The following EYS variants were observed in gnomAD, a reference collection of about 807,000 sequenced individuals.
EYS encodes protein eyes shut homolog.
EYS carries 250 observed loss-of-function variants against 282.1 expected under a neutral mutation model. That is an observed-to-expected ratio of 0.89 (90% CI 0.80 to 0.98). The LOEUF is 0.98. Among genes scored for constraint, EYS ranks in the 50% least tolerant of loss-of-function variants. The pLI is 0.00. For missense variants in EYS, 4,016 were observed against 3,709.0 expected (o/e 1.08, Z -2.15); for synonymous variants, 1,355 against 1,282.9 (o/e 1.06, Z -1.20).
chr6:65,562,689 CTT>C (rs1341005946), intron 2 of EYS, among the ~76,000 whole-genome samples: 1 of 151,894 alleles, frequency 6.6e-6, no homozygotes, highest in Non-Finnish European at 1.5e-5. Context: ...GTAGATATGA[CTT>C]ATATATAATT....
At chr6:65,223,584 G>C (rs867608031) in intron 12 of EYS, among the ~76,000 whole-genome samples, 10 of 152,174 alleles carry the variant, frequency 6.6e-5, no homozygotes, top group African/African-American at 2.4e-4. Flanking sequence ...GATATGTTTG[G>C]TGGGTTGCTG....
intron 1 of EYS, among the ~76,000 whole-genome samples, chr6:65,654,291 TACTC>T (rs1433461778): frequency 6.6e-6 from 1 of 151,868 alleles, no homozygotes. Context: ...CTGTAATAGT[TACTC>T]ACAGACCTGA....
At chr6:64,935,744 G>A (rs963423382) in intron 15 of EYS, among the ~76,000 whole-genome samples, 15 of 151,592 alleles carry the variant, frequency 9.9e-5, no homozygotes, top group African/African-American at 1.7e-4. Flanking sequence ...GTAAAACCAC[G>A]GAAAGTAACC....
At chr6:64,162,605 A>T (rs1775142076) in intron 31 of EYS, among the ~76,000 whole-genome samples, 1 of 152,126 alleles carries the variant, frequency 6.6e-6, no homozygotes, top group Non-Finnish European at 1.5e-5. Context: ...AGGAATTAGA[A>T]CCCAAATCCT....
At chr6:64,288,234 G>C (rs906335503) in intron 30 of EYS, among the ~76,000 whole-genome samples, 2 of 151,808 alleles carry the variant, frequency 1.3e-5, no homozygotes, top group African/African-American at 4.8e-5. Flanking sequence ...TTTTTTTCCT[G>C]CTACCTTTAT....
At chr6:64,974,443 A>G (rs1027364386) in intron 14 of EYS, among the ~76,000 whole-genome samples, 1 of 149,170 alleles carries the variant, frequency 6.7e-6, no homozygotes, top group Non-Finnish European at 1.5e-5. Context: ...TAATTACTGA[A>G]TCAGACTATC....
chr6:64,122,549 T>G lies in EYS; in HGVS notation c.6425-40547A>C, dbSNP rs116044206. On this transcript the variant is annotated intron_variant, in intron 31 of 42. Coordinates refer to ENST00000503581, the MANE Select transcript of EYS (RefSeq NM_001142800.2). ...TAGAGCCAGACTGCCTGAGTTTTTA[T>G]CCCCTTGTCTCCATTTACTAGTTGT... Among the ~76,000 whole-genome samples the G allele has an allele frequency of 6.2e-3, 942 of 152,174 alleles. 8 individuals carry two copies. Among genetic ancestry groups the G allele is most frequent in the East Asian group, 0.031 (163 of 5,182 alleles).
At chr6:64,962,243 T>C (rs900139201) in intron 14 of EYS, among the ~76,000 whole-genome samples, 13 of 152,136 alleles carry the variant, frequency 8.5e-5, no homozygotes, top group Non-Finnish European at 2.9e-5. Flanking sequence ...TTCCAAAAAC[T>C]ACACCACTAG....
chr6:63,883,483 C>G (rs1773186122), intron 35 of EYS, among the ~76,000 whole-genome samples: 1 of 152,220 alleles, frequency 6.6e-6, no homozygotes, highest in Non-Finnish European at 1.5e-5. Context: ...ACCAACGTGG[C>G]TGGAAGTCAG....
chr6:64,297,827 A>T (rs542926103), intron 30 of EYS, among the ~76,000 whole-genome samples: 1 of 152,018 alleles, frequency 6.6e-6, no homozygotes, highest in African/African-American at 2.4e-5. Context: ...AAAATACAAA[A>T]ATTAGCCAAG....
rs57185055 is a variant in EYS at position 64,674,765 on chromosome 6, TACAC to T, written c.3444-48524_3444-48521del. Among the ~76,000 whole-genome samples the T allele has an allele frequency of 4.0e-5, 6 of 150,250 alleles. No individual in the cohort carries two copies. The East Asian group carries it at 9.8e-4, about 25-fold the overall frequency. The stretch of plus-strand genomic sequence containing the variant: ...ACACACACACACACGCATATATACA[TACAC>T]ACACACACACATATATATACACACA... On this transcript the variant is annotated intron_variant, in intron 22 of 42. Transcript: ENST00000503581.
In EYS at chr6:63,891,299, G is replaced by C. The variant is rs927870466; in HGVS notation, c.7056-26941C>G. On this transcript the variant is annotated intron_variant, in intron 35 of 42. Coordinates refer to ENST00000503581, the MANE Select transcript of EYS (RefSeq NM_001142800.2). ...ACACAGCAAAAAAAGATCATTTCAG[G>C]CCAATATCCCTGATGAACATCGATG... Among the ~76,000 whole-genome samples the C allele has an allele frequency of 2.8e-4, 42 of 151,958 alleles. 1 individual carries two copies. Among genetic ancestry groups the C allele is most frequent in the Non-Finnish European group, 2.9e-5 (2 of 67,990 alleles).
chr6:64,125,636 A>G (rs1189717155), intron 31 of EYS, among the ~76,000 whole-genome samples: 1 of 151,688 alleles, frequency 6.6e-6, no homozygotes, highest in Non-Finnish European at 1.5e-5. Flanking sequence ...AATACAAAAA[A>G]TTAGCCGGGC....
At chr6:64,461,088 T>A (rs1465931639) in intron 26 of EYS, among the ~76,000 whole-genome samples, 2 of 152,206 alleles carry the variant, frequency 1.3e-5, no homozygotes, top group African/African-American at 2.4e-5. Flanking sequence ...GAGTGCTTCC[T>A]GCAGGTGAAC....
intron 8 of EYS, among the ~76,000 whole-genome samples, chr6:65,353,980 G>A (rs1176631244): frequency 6.6e-6 from 1 of 152,000 alleles, no homozygotes; most frequent in Non-Finnish European, 1.5e-5. Context: ...GGTTGAATTA[G>A]CACAATAAAT....
At chr6:63,999,283 C>CTTCA in intron 33 of EYS, 100 bp from the exon 34 acceptor site, 1 of 762,750 alleles carries the variant, frequency 1.3e-6, no homozygotes, top group Non-Finnish European at 2.3e-6. Context: ...GAGAGAGGTA[C>CTTCA]TTTCTGGATC....
At chr6:64,226,410 A>G (rs1030859243) in intron 31 of EYS, among the ~76,000 whole-genome samples, 3 of 152,056 alleles carry the variant, frequency 2.0e-5, no homozygotes, top group African/African-American at 7.2e-5. Context: ...ATACTCCTTT[A>G]TTTTACTATT....
At chr6:65,386,681 G>A (rs960923345) in intron 7 of EYS, among the ~76,000 whole-genome samples, 41 of 151,930 alleles carry the variant, frequency 2.7e-4, no homozygotes, top group African/African-American at 9.7e-4. Flanking sequence ...GTTTACAAAA[G>A]TGCATTAACT....
At chr6:65,078,297 G>A (rs1388333147) in intron 12 of EYS, among the ~76,000 whole-genome samples, 1 of 152,060 alleles carries the variant, frequency 6.6e-6, no homozygotes, top group African/African-American at 2.4e-5. Context: ...CATTAAGTAT[G>A]ATCAGAAATA....
Sources: allele counts gnomAD v4.1 joint callset (sites outside exome capture counted in the v4.1 genomes callset), GRCh38; gene constraint gnomAD v4.1.1; transcripts MANE v1.5; gene names NCBI Gene and HGNC (gene_info 2026-07-23, HGNC 2026-07-21).